LRP5: variants seen among roughly 807,000 people sequenced by gnomAD.
LRP5 encodes the protein low-density lipoprotein receptor-related protein 5.
A neutral mutation model predicts 154.1 loss-of-function variants in LRP5; 62 were observed. That is an observed-to-expected ratio of 0.40 (90% CI 0.33 to 0.50). The LOEUF (loss-of-function observed/expected upper bound fraction) is 0.50, where lower values mean the gene tolerates loss of function less well. LRP5 is among the 20% of genes least tolerant of loss of function. LRP5 has a pLI of 0.55. For synonymous variants in LRP5, 966 were observed against 1,011.5 expected (o/e 0.96, Z 0.85); for missense variants, 1,915 against 2,336.7 (o/e 0.82, Z 3.72).
intron 21 of LRP5, among the ~76,000 whole-genome samples, chr11:68,443,413 A>G (rs1235181836): frequency 7.3e-6 from 1 of 137,254 alleles, no homozygotes; most frequent in Admixed American, 7.4e-5. Flanking sequence ...TTGCTTGAAC[A>G]TGGGAGGCGG....
At chr11:68,318,421 C>A (rs2098594733) in intron 1 of LRP5, among the ~76,000 whole-genome samples, 1 of 151,316 alleles carries the variant, frequency 6.6e-6, no homozygotes, top group African/African-American at 2.4e-5. Context: ...CTTACTGCAG[C>A]CTCTACCTCC....
Position 68,386,310 on chromosome 11 carries a change from C to G in LRP5, c.1016-6C>G, listed in dbSNP as rs1166439550. ...ACCCCTGACCCCATTGCACCTGTCT[C>G]CACAGGAGCCGAGGAGGTGCTGCTG... On this transcript the variant is annotated splice_region_variant and splice_polypyrimidine_tract_variant and intron_variant, in intron 5 of 22. Transcript: ENST00000294304. The surrounding 1 kb of genome is among the most constrained non-coding windows in gnomAD (Gnocchi z 7.9). 10 of 1,610,952 alleles carry G rather than the reference C, an allele frequency of 6.2e-6. No homozygotes were observed. The East Asian group carries it at 1.3e-4, about 22-fold the overall frequency.
At chr11:68,425,853 C>A in intron 15 of LRP5, 125 bp from the exon 16 acceptor site, 1 of 844,938 alleles carries the variant, frequency 1.2e-6, no homozygotes, top group Non-Finnish European at 1.9e-6. Flanking sequence ...AGCTCCCACC[C>A]CTGTCCAAAG....
At chr11:68,370,676 T>C (rs554981917) in intron 5 of LRP5, among the ~76,000 whole-genome samples, 5 of 152,386 alleles carry the variant, frequency 3.3e-5, no homozygotes, top group East Asian at 1.9e-4. Context: ...TTGTGGGAAC[T>C]GTTTTTGCCC....
chr11:68,401,486 T>C (rs1056089462), intron 7 of LRP5, among the ~76,000 whole-genome samples: 2 of 152,176 alleles, frequency 1.3e-5, no homozygotes, highest in African/African-American at 4.8e-5. Flanking sequence ...TTGCTCCAGG[T>C]TGGGGCCAGG....
chr11:68,330,356 T>C (rs185949520), intron 1 of LRP5, among the ~76,000 whole-genome samples: 147 of 152,336 alleles, frequency 9.6e-4, no homozygotes, highest in African/African-American at 3.3e-3. Flanking sequence ...CTCAGGAAGA[T>C]CTCTGCTGTG....
chr11:68,373,694 G>A (rs626618), intron 5 of LRP5, among the ~76,000 whole-genome samples: 146,833 of 152,320 alleles, frequency 0.96, 70,983 homozygotes, highest in East Asian at 1. Context: ...GGACCAAGGC[G>A]GCAGCTGGCT....
At chr11:68,320,748 C>G (rs370242496) in intron 1 of LRP5, among the ~76,000 whole-genome samples, 1 of 152,150 alleles carries the variant, frequency 6.6e-6, no homozygotes, top group East Asian at 1.9e-4. Context: ...AGACATAAGC[C>G]ACGGTGCCAG....
chr11:68,369,915 G>A (rs1472695778), intron 5 of LRP5, among the ~76,000 whole-genome samples: 2 of 152,126 alleles, frequency 1.3e-5, no homozygotes, highest in Non-Finnish European at 2.9e-5. Flanking sequence ...GCATCCAGTG[G>A]GTGCCCAGTG....
chr11:68,315,539 A>G (rs2098592665), intron 1 of LRP5, among the ~76,000 whole-genome samples: 2 of 152,268 alleles, frequency 1.3e-5, no homozygotes, highest in Non-Finnish European at 2.9e-5. Context: ...TCTCACCTGT[A>G]AAATGGGAAT....
intron 1 of LRP5, among the ~76,000 whole-genome samples, chr11:68,328,790 G>A (rs1156882818): frequency 6.6e-6 from 1 of 152,166 alleles, no homozygotes; most frequent in African/African-American, 2.4e-5. Context: ...ATCTGGAGTC[G>A]AACTTGCCCT....
At chr11:68,372,501 A>ACCGTGGCGGCGAGGAGGTGCAGTGT (rs1565353667) in intron 5 of LRP5, among the ~76,000 whole-genome samples, 30 of 151,502 alleles carry the variant, frequency 2.0e-4, no homozygotes, top group African/African-American at 2.9e-4. Flanking sequence ...CAGACCGGGG[A>ACCGTGGCGGCGAGGAGGTGCAGTGT]CTTGGAGCAC....
At chr11:68,321,925 G>T (rs1343045007) in intron 1 of LRP5, among the ~76,000 whole-genome samples, 1 of 152,210 alleles carries the variant, frequency 6.6e-6, no homozygotes, top group Non-Finnish European at 1.5e-5. Context: ...TGGGTGCTGG[G>T]TGTCTTCCAG....
the LRP5 span, among the ~76,000 whole-genome samples, chr11:68,306,539 G>C: frequency 6.6e-6 from 1 of 152,158 alleles, no homozygotes; most frequent in Non-Finnish European, 1.5e-5. Flanking sequence ...ATGACACCCG[G>C]GAAGACCCTT....
Position 68,394,808 on chromosome 11 carries a change from A to G in LRP5, c.1584+4756A>G, listed in dbSNP as rs1456530419. On this transcript the variant is annotated intron_variant, in intron 7 of 22. Coordinates refer to ENST00000294304, the MANE Select transcript of LRP5 (RefSeq NM_002335.4). ...TCTGTCTGTACATCCTCAAAGCCCT[A>G]TACACAGTGCTGGGTTGCTATAGGG... Among the ~76,000 whole-genome samples the G allele has an allele frequency of 4.6e-5, 7 of 152,192 alleles. 1 individual carries two copies. The highest frequency in any genetic ancestry group is 1.9e-4 in the East Asian group (1 of 5,188).
At chr11:68,308,511 T>C (rs2098585363), upstream of LRP5, among the ~76,000 whole-genome samples, 1 of 152,160 alleles carries the variant, frequency 6.6e-6, no homozygotes, top group Non-Finnish European at 1.5e-5. Context: ...CCTGATGAGC[T>C]GTGACAGGCA....
chr11:68,414,059 G>C, intron 12 of LRP5, 47 bp downstream of exon 12: 1 of 1,554,976 alleles, frequency 6.4e-7, no homozygotes, highest in Non-Finnish European at 8.7e-7. Context: ...GTTAGATCAG[G>C]CTGGTTCTGG....
At chr11:68,356,362 G>C (rs1469354264) in intron 2 of LRP5, among the ~76,000 whole-genome samples, 3 of 151,522 alleles carry the variant, frequency 2.0e-5, no homozygotes, top group Non-Finnish European at 4.4e-5. Flanking sequence ...ATGTTGCCCA[G>C]GGTGGCTCAA....
chr11:68,350,577 G>T (rs2098617488), intron 2 of LRP5, among the ~76,000 whole-genome samples: 1 of 152,236 alleles, frequency 6.6e-6, no homozygotes, highest in Non-Finnish European at 1.5e-5. Flanking sequence ...CCATGGTGCC[G>T]GCTGCAGGAG....
Sources: allele counts gnomAD v4.1 joint callset (sites outside exome capture counted in the v4.1 genomes callset), GRCh38; gene constraint gnomAD v4.1.1; non-coding constraint Gnocchi (gnomAD v3.1); transcripts MANE v1.5; gene names NCBI Gene and HGNC (gene_info 2026-07-23, HGNC 2026-07-21).